Variants in SUPT3H observed in about 807,000 individuals in gnomAD.
The protein encoded by SUPT3H is SPT3 homolog, SAGA and STAGA complex component, also known as transcription initiation protein SPT3 homolog.
Under a neutral mutation model 44.3 loss-of-function variants are expected in SUPT3H, and 44 were observed. The observed-to-expected ratio is 0.99, with a 90% confidence interval of 0.78 to 1.28. SUPT3H has a LOEUF of 1.28. Ranked by LOEUF, SUPT3H falls within the 50% of genes most tolerant of loss-of-function variation. The pLI, the probability that SUPT3H is intolerant of heterozygous loss-of-function variation, is 0.00. For synonymous variants in SUPT3H, 124 were observed against 125.6 expected (o/e 0.99, Z 0.09); for missense variants, 380 against 387.1 (o/e 0.98, Z 0.15).
chr6:45,041,640 G>A (rs770813130), intron 3 of SUPT3H, among the ~76,000 whole-genome samples: 6 of 152,082 alleles, frequency 3.9e-5, no homozygotes, highest in Non-Finnish European at 5.9e-5. Flanking sequence ...AAATTTCCAG[G>A]AGCAGCTGAA....
chr6:45,129,208 T>A (rs983226590), intron 2 of SUPT3H, among the ~76,000 whole-genome samples: 1 of 152,224 alleles, frequency 6.6e-6, no homozygotes, highest in African/African-American at 2.4e-5. Flanking sequence ...GACCTGCTAT[T>A]ACACTGTACA....
chr6:44,978,520 G>A (rs2153487975), intron 6 of SUPT3H, among the ~76,000 whole-genome samples: 2 of 152,246 alleles, frequency 1.3e-5, no homozygotes, highest in Admixed American at 1.3e-4. Context: ...GATAAAAACT[G>A]TCATTCTATA....
intron 2 of SUPT3H, among the ~76,000 whole-genome samples, chr6:45,258,751 T>C (rs532796418): frequency 3.9e-5 from 6 of 152,082 alleles, no homozygotes; most frequent in Non-Finnish European, 5.9e-5. Flanking sequence ...AGTAAAAAAA[T>C]TTATTTGCAC....
At chr6:44,869,196 T>C (rs1775961557) in intron 10 of SUPT3H, among the ~76,000 whole-genome samples, 1 of 151,940 alleles carries the variant, frequency 6.6e-6, no homozygotes, top group Non-Finnish European at 1.5e-5. Flanking sequence ...TATAGGCTGC[T>C]TTGTCTTTTT....
Position 45,167,006 on chromosome 6 carries a change from T to C in SUPT3H, c.102-61000A>G, listed in dbSNP as rs183931735. 2.3e-3 allele frequency among the ~76,000 whole-genome samples: 357 copies of C among 152,298 alleles called. 3 individuals are homozygous for C. The highest frequency in any genetic ancestry group is 0.021 in the Admixed American group (328 of 15,300). The stretch of plus-strand genomic sequence containing the variant: ...AACATACACTACATGACCAAGCAAT[T>C]CCAATTCCACTCTTATACATATACA... On this transcript the variant is annotated intron_variant, in intron 2 of 10. Transcript: ENST00000371459.
intron 10 of SUPT3H, chr6:44,898,824 A>G (rs1764516554): frequency 6.6e-6 from 1 of 152,274 alleles, no homozygotes. Flanking sequence ...TATTCTTCCT[A>G]TGCTGCCTGC....
intron 3 of SUPT3H, among the ~76,000 whole-genome samples, chr6:45,064,796 G>A (rs1433493892): frequency 1.4e-5 from 2 of 146,850 alleles, no homozygotes; most frequent in East Asian, 2.0e-4. Flanking sequence ...ACAGGAGCAC[G>A]CAGATTCATA....
At chr6:45,328,376 T>C in intron 2 of SUPT3H, 1 of 1,391,802 alleles carries the variant, frequency 7.2e-7, no homozygotes, top group Non-Finnish European at 9.6e-7. Flanking sequence ...GTGCAAACTT[T>C]CTCCAGGAGG....
At chr6:44,950,669 T>A (rs7749865) in intron 9 of SUPT3H, among the ~76,000 whole-genome samples, 10 of 151,762 alleles carry the variant, frequency 6.6e-5, no homozygotes, top group Admixed American at 6.6e-4. Flanking sequence ...GAACCCAAGC[T>A]TAACCAGCCC....
At chr6:44,970,768 T>C (rs1333956881) in intron 6 of SUPT3H, among the ~76,000 whole-genome samples, 3 of 152,194 alleles carry the variant, frequency 2.0e-5, no homozygotes, top group African/African-American at 7.2e-5. Flanking sequence ...TTGGTCATTT[T>C]GGGTAAAACT....
At chr6:45,054,967 G>A (rs1328178968) in intron 3 of SUPT3H, among the ~76,000 whole-genome samples, 4 of 151,614 alleles carry the variant, frequency 2.6e-5, no homozygotes, top group Admixed American at 6.6e-5. Flanking sequence ...CTGCCCCAGG[G>A]GTAATCACTA....
intron 10 of SUPT3H, among the ~76,000 whole-genome samples, chr6:44,850,728 G>A (rs1374892932): frequency 2.0e-5 from 3 of 147,990 alleles, no homozygotes; most frequent in Non-Finnish European, 3.0e-5. Flanking sequence ...GGCTTATTTT[G>A]CTTTTGGTTT....
At chr6:45,105,180 A>G (rs1799100664) in intron 3 of SUPT3H, among the ~76,000 whole-genome samples, 1 of 152,056 alleles carries the variant, frequency 6.6e-6, no homozygotes, top group South Asian at 2.1e-4. Context: ...AAAATACATG[A>G]TGATGGTAAA....
intron 11 of SUPT3H, among the ~76,000 whole-genome samples, chr6:44,817,981 A>C (rs1371702816): frequency 6.6e-6 from 1 of 152,166 alleles, no homozygotes; most frequent in African/African-American, 2.4e-5. Context: ...ATGAAAAAGC[A>C]AAGAATCTAA....
chr6:45,060,674 G>A (rs1791855046), intron 3 of SUPT3H, among the ~76,000 whole-genome samples: 1 of 151,974 alleles, frequency 6.6e-6, no homozygotes, highest in African/African-American at 2.4e-5. Context: ...CTACAGAATG[G>A]GAGAAAATTT....
rs1333191962 is a variant in SUPT3H at position 45,130,823 on chromosome 6, T to C, written c.102-24817A>G. Among the ~76,000 whole-genome samples, 5 of 145,826 alleles carry C rather than the reference T, an allele frequency of 3.4e-5. 1 individual carries two copies. Among genetic ancestry groups the C allele is most frequent in the African/African-American group, 1.3e-4 (5 of 39,526 alleles). On this transcript the variant is annotated intron_variant, in intron 2 of 10. Coordinates refer to ENST00000371459, the MANE Select transcript of SUPT3H (RefSeq NM_003599.4). ...ACCTCCGCCTTCCAGGTTCAAGCAA[T>C]TCTCCTGCCTCAGCCTCCCAAGTAG...
intron 5 of SUPT3H, among the ~76,000 whole-genome samples, chr6:45,009,055 T>C (rs867537326): frequency 6.6e-6 from 1 of 152,164 alleles, no homozygotes. Flanking sequence ...TCAGTGTCTA[T>C]TGTCCATTAG....
At chr6:44,891,908 A>G (rs537164120) in intron 10 of SUPT3H, among the ~76,000 whole-genome samples, 1 of 152,224 alleles carries the variant, frequency 6.6e-6, no homozygotes, top group African/African-American at 2.4e-5. Context: ...TGTTCACTGT[A>G]AACTTTTATC....
intron 10 of SUPT3H, among the ~76,000 whole-genome samples, chr6:44,889,495 A>G (rs1025505624): frequency 1.3e-5 from 2 of 152,248 alleles, no homozygotes; most frequent in Non-Finnish European, 2.9e-5. Flanking sequence ...AAACCTGAGA[A>G]AAATAAGCAA....
Sources: gnomAD v4.1 joint callset for allele counts (sites outside exome capture counted in the v4.1 genomes callset) on GRCh38, gnomAD v4.1.1 for gene constraint, MANE v1.5 for transcripts, NCBI Gene and HGNC (gene_info 2026-07-23, HGNC 2026-07-21) for gene names.